DBF4B: variants seen among roughly 807,000 people sequenced by gnomAD.
DBF4B encodes protein DBF4 homolog B.
In DBF4B, 49 loss-of-function variants were observed where a neutral mutation model predicts 53.4. The observed-to-expected ratio is 0.92, with a 90% CI of 0.73 to 1.16. DBF4B has a LOEUF of 1.16. DBF4B is among the 50% of genes most tolerant of loss of function. The pLI, the probability that DBF4B is intolerant of heterozygous loss-of-function variation, is 0.00. For synonymous variants in DBF4B, 257 were observed against 288.7 expected, an observed-to-expected ratio of 0.89 and a Z score of 1.11; for missense variants, 692 against 775.0, an observed-to-expected ratio of 0.89 and a Z score of 1.27.
chr17:44,741,794 C>A lies in DBF4B; in HGVS notation c.830+342C>A, dbSNP rs146660683. ...CCAGAACCCCTGGCCTGCACTGTTT[C>A]CCCCAGAGCATGGACCATTGCAACC... On this transcript the variant is annotated intron_variant, in intron 10 of 13. Transcript: ENST00000315005. 1.9e-4 allele frequency among the ~76,000 whole-genome samples: 29 copies of A among 152,270 alleles called. No homozygotes were observed. The East Asian group carries it at 4.8e-3, about 25-fold the overall frequency.
At chr17:44,738,829 C>A (rs565145351) in intron 9 of DBF4B, among the ~76,000 whole-genome samples, 1 of 152,180 alleles carries the variant, frequency 6.6e-6, no homozygotes, top group Non-Finnish European at 1.5e-5. Flanking sequence ...ATCATCTTGG[C>A]TGAAATTAGG....
At chr17:44,737,001 T>A (rs1975512319) in intron 8 of DBF4B, 135 bp downstream of exon 8, 2 of 1,068,968 alleles carry the variant, frequency 1.9e-6, no homozygotes, top group South Asian at 2.9e-5. Context: ...CCCCTTTGTG[T>A]TTCCAGGGCC....
intron 2 of DBF4B, among the ~76,000 whole-genome samples, chr17:44,722,050 C>T (rs1438435319): frequency 6.6e-6 from 1 of 151,884 alleles, no homozygotes; most frequent in Non-Finnish European, 1.5e-5. Flanking sequence ...AAGTGAATCG[C>T]TTGAACCTGG....
At chr17:44,717,706 T>G (rs1973447066) in intron 2 of DBF4B, among the ~76,000 whole-genome samples, 1 of 104,946 alleles carries the variant, frequency 9.5e-6, no homozygotes, top group African/African-American at 4.6e-5. Flanking sequence ...AGACCTGGTC[T>G]CAAAAAAAAA....
At chr17:44,747,636 A>T in intron 12 of DBF4B, 121 bp downstream of exon 12, 1 of 1,331,548 alleles carries the variant, frequency 7.5e-7, no homozygotes, top group South Asian at 1.5e-5. Context: ...CTCTTTTCTC[A>T]CCTTCCTTTC....
At chr17:44,733,390 T>A (rs2144981737) in intron 6 of DBF4B, among the ~76,000 whole-genome samples, 1 of 152,334 alleles carries the variant, frequency 6.6e-6, no homozygotes, top group South Asian at 2.1e-4. Context: ...TTTCACACTG[T>A]AAACAACCTG....
chr17:44,721,198 T>TTATC (rs1264201296), intron 2 of DBF4B, among the ~76,000 whole-genome samples: 1 of 150,166 alleles, frequency 6.7e-6, no homozygotes, highest in Admixed American at 6.6e-5. Context: ...TTCATGTCCA[T>TTATC]TATCTCCAAC....
At chr17:44,731,871 C>G (rs115356891) in intron 5 of DBF4B, 6 of 301,946 alleles carry the variant, frequency 2.0e-5, no homozygotes, top group Admixed American at 4.7e-5. Flanking sequence ...GAGCTTTCCT[C>G]GCAGAGGCCC....
At chr17:44,713,008 A>G (rs1015991712) in intron 2 of DBF4B, among the ~76,000 whole-genome samples, 5 of 147,348 alleles carry the variant, frequency 3.4e-5, no homozygotes, top group Non-Finnish European at 7.5e-5. Flanking sequence ...TATATGTAGT[A>G]ATTTTGATTT....
intron 3 of DBF4B, among the ~76,000 whole-genome samples, chr17:44,728,600 C>T (rs1049566687): frequency 2.6e-5 from 4 of 151,956 alleles, no homozygotes; most frequent in Non-Finnish European, 5.9e-5. Context: ...GGGCAGATCA[C>T]AAGGTTAAGA....
rs1371183655 is a variant in DBF4B, at chr17:44,732,256, C to T, written c.547C>T (p.His183Tyr). The change falls in exon 6 of 14, where the codon CAC becomes TAC. Residue 183 changes from histidine (H) to tyrosine (Y), a missense_variant. Around this residue, in one of 3 missense-constraint regions of DBF4B, gnomAD observed 597 missense variants for 665.8 expected, o/e 0.90. Transcript: ENST00000315005. ...NARSWGVRILHVDEMMMHVQQ... is the reference protein window; with the variant it reads ...NARSWGVRILYVDEMMMHVQQ... Reference sequence around the variant, plus strand: ...CCGCTCTTGGGGAGTGAGGATTCTGCACGTGGATGGTACCCTTTCTGTGCT... The same window carrying T: ...CCGCTCTTGGGGAGTGAGGATTCTGTACGTGGATGGTACCCTTTCTGTGCT... 7 of 1,613,980 alleles carry T rather than the reference C, an allele frequency of 4.3e-6. No homozygotes were observed. The highest frequency in any genetic ancestry group is 5.9e-6 in the Non-Finnish European group (7 of 1,180,000).
chr17:44,730,911 T>G, intron 4 of DBF4B, 54 bp from the exon 5 acceptor site: 1 of 1,591,054 alleles, frequency 6.3e-7, no homozygotes, highest in Non-Finnish European at 8.6e-7. Flanking sequence ...GTAAACATCT[T>G]TCAGTGCACA....
intron 12 of DBF4B, 71 bp downstream of exon 12, chr17:44,747,586 C>A: frequency 6.3e-7 from 1 of 1,577,848 alleles, no homozygotes; most frequent in South Asian, 1.1e-5. Context: ...GGAAGAGACC[C>A]TCAGGTTGGT....
Position 44,751,692 on chromosome 17 carries a change from C to T in DBF4B, c.*439C>T, listed in dbSNP as rs977922824. On this transcript the variant is annotated 3_prime_UTR_variant, in exon 14 of 14. Coordinates refer to ENST00000315005, the MANE Select transcript of DBF4B (RefSeq NM_145663.3). ...CTCTGGCTCCTTCCTGCGGTCTATACCTACCGCCTCCTCTTCACCTCCTTC... is the reference window on the plus strand; with the variant it reads ...CTCTGGCTCCTTCCTGCGGTCTATATCTACCGCCTCCTCTTCACCTCCTTC... 2.6e-5 allele frequency: 37 copies of T among 1,427,274 alleles called. No homozygotes were observed. Among genetic ancestry groups the T allele is most frequent in the Non-Finnish European group, 3.3e-5 (36 of 1,093,298 alleles). 88.4% of individuals were successfully genotyped at this position (1,427,274 alleles called of 1,614,324 possible). A position where few individuals can be genotyped will look rare whatever the true frequency, so the allele number is the denominator to read the frequency against.
intron 3 of DBF4B, among the ~76,000 whole-genome samples, chr17:44,729,648 G>A (rs1382436660): frequency 6.6e-6 from 1 of 150,964 alleles, no homozygotes; most frequent in Non-Finnish European, 1.5e-5. Flanking sequence ...CTGGGTCAGG[G>A]GCAGCAGTCC....
chr17:44,713,840 C>G (rs981063520), intron 2 of DBF4B, among the ~76,000 whole-genome samples: 2 of 152,064 alleles, frequency 1.3e-5, no homozygotes, highest in African/African-American at 2.4e-5. Flanking sequence ...TTTTAGTACT[C>G]CAGTCTGGCC....
At position 44,749,868 on chromosome 17, in the gene DBF4B, CTG is replaced by C. The variant is rs1483221202; in HGVS notation, c.1190-723_1190-722del. On this transcript the variant is annotated intron_variant, in intron 13 of 13. Transcript: ENST00000315005. This position sits in a 1 kb window ranked among gnomAD's most constrained non-coding sequence, Gnocchi z 4.4. ...TGGCCGCTCCTGCTTTCCAAAATGACTGTGTTTGTCCCCTCCCCCAGCCCCCC... is the reference window on the plus strand; with the variant it reads ...TGGCCGCTCCTGCTTTCCAAAATGACTGTTTGTCCCCTCCCCCAGCCCCCC... 1.2e-5 allele frequency: 12 copies of C among 1,039,850 alleles called. No individual in the cohort carries two copies. The highest frequency in any genetic ancestry group is 7.2e-5 in the South Asian group (2 of 27,674). The allele number at this position is 1,039,850 out of a possible 1,614,324, so 64.4% of individuals were successfully genotyped here. A position where few individuals can be genotyped will look rare whatever the true frequency, so the allele number is the denominator to read the frequency against.
chr17:44,749,075 C>A lies in DBF4B; in HGVS notation c.1189+610C>A, dbSNP rs1341591387. On this transcript the variant is annotated intron_variant, in intron 13 of 13. Transcript: ENST00000315005. The surrounding 1 kb of genome is among the most constrained non-coding windows in gnomAD (Gnocchi z 4.4). ...GGCCAGCTCCTCAGCTGCCCCACAGCTCCAGGCTGGCCATCAGCTCCCCTG... is the reference window on the plus strand; with the variant it reads ...GGCCAGCTCCTCAGCTGCCCCACAGATCCAGGCTGGCCATCAGCTCCCCTG... The A allele has an allele frequency of 4.7e-6, 6 of 1,289,836 alleles. No homozygotes were observed. In the East Asian group the frequency reaches 2.8e-4, roughly 60 times the overall value. The allele number at this position is 1,289,836 out of a possible 1,614,324, so 79.9% of individuals were successfully genotyped here. A position where few individuals can be genotyped will look rare whatever the true frequency, so the allele number is the denominator to read the frequency against.
intron 2 of DBF4B, among the ~76,000 whole-genome samples, chr17:44,712,823 C>T (rs1456546358): frequency 6.6e-6 from 1 of 151,520 alleles, no homozygotes; most frequent in Non-Finnish European, 1.5e-5. Flanking sequence ...GATCTGCCCA[C>T]CTCGGCCTCC....
Sources: allele counts gnomAD v4.1 joint callset (sites outside exome capture counted in the v4.1 genomes callset), GRCh38; gene constraint gnomAD v4.1.1; regional missense constraint gnomAD v4.1.1; non-coding constraint Gnocchi (gnomAD v3.1); transcripts MANE v1.5; gene names NCBI Gene and HGNC (gene_info 2026-07-23, HGNC 2026-07-21).